Variants in AUTS2 observed in about 807,000 individuals in gnomAD.
AUTS2 encodes the protein activator of transcription and developmental regulator AUTS2, also known as autism susceptibility gene 2 protein.
In AUTS2, 17 loss-of-function variants were observed where a neutral mutation model predicts 112.4. That is an observed-to-expected ratio of 0.15 (90% CI 0.10 to 0.23). The LOEUF (loss-of-function observed/expected upper bound fraction) is 0.23. AUTS2 is among the 10% of genes least tolerant of loss of function. The probability of loss-of-function intolerance (pLI) is 1.00; values close to 1 mark genes in which losing one functional copy is unlikely to be tolerated. For synonymous variants in AUTS2, 751 were observed against 702.7 expected, an observed-to-expected ratio of 1.07 and a Z score of -1.09; for missense variants, 1,510 against 1,701.6, an observed-to-expected ratio of 0.89 and a Z score of 1.98.
intron 1 of AUTS2, among the ~76,000 whole-genome samples, chr7:69,817,908 G>A (rs1790832486): frequency 6.6e-6 from 1 of 152,110 alleles, no homozygotes. Context: ...TTGCTGATTT[G>A]GTGGGAGATA....
In AUTS2 at chr7:70,790,652, G is replaced by C. The variant is rs756968287; in HGVS notation, c.3436G>C (p.Gly1146Arg). The C allele has an allele frequency of 6.2e-7, 1 of 1,613,082 alleles. No homozygotes were observed. The highest frequency in any genetic ancestry group is 1.1e-5 in the South Asian group (1 of 91,050). The change falls in exon 19 of 19, where the codon GGA becomes CGA. Residue 1146 changes from glycine to arginine, a missense_variant. Coordinates refer to ENST00000342771, the MANE Select transcript of AUTS2 (RefSeq NM_015570.4). This position sits in a 1 kb window ranked among gnomAD's most constrained non-coding sequence, Gnocchi z 7.6. The part of the protein sequence containing the change: ...SVDPRREHER[G>R]GHLDERERLH... ...GGACCCTCGGCGGGAGCACGAGCGG[G>C]GAGGCCACCTGGACGAGCGGGAGCG...
intron 1 of AUTS2, among the ~76,000 whole-genome samples, chr7:69,624,695 G>T (rs1793856350): frequency 6.6e-6 from 1 of 152,132 alleles, no homozygotes; most frequent in African/African-American, 2.4e-5. Flanking sequence ...TCTGCCTCAT[G>T]CTCCCCCATC....
chr7:69,964,701 C>G (rs1395597550), intron 2 of AUTS2, among the ~76,000 whole-genome samples: 1 of 151,680 alleles, frequency 6.6e-6, no homozygotes, highest in Admixed American at 6.6e-5. Flanking sequence ...GGACTTAGGA[C>G]AAACGGGGAA....
intron 5 of AUTS2, among the ~76,000 whole-genome samples, chr7:70,685,976 A>G (rs544616971): frequency 5.3e-5 from 8 of 152,124 alleles, no homozygotes; most frequent in Non-Finnish European, 1.2e-4. Context: ...CATGGGTGCA[A>G]TGACAGCCAC....
intron 5 of AUTS2, among the ~76,000 whole-genome samples, chr7:70,460,763 T>G (rs1796931623): frequency 1.3e-5 from 2 of 152,178 alleles, no homozygotes; most frequent in African/African-American, 4.8e-5. Context: ...CTGTCTCCAT[T>G]TCCTGGTCTG....
Position 69,896,089 on chromosome 7 carries a change from A to C in AUTS2, c.310-3197A>C, listed in dbSNP as rs988399941. ...TCTGCTAGTGTTGCCATTATTCCTG[A>C]GTGTCTCTTTATGGCAGCTATTTTG... On this transcript the variant is annotated intron_variant, in intron 1 of 18. Transcript: ENST00000342771. Among the ~76,000 whole-genome samples the C allele has an allele frequency of 2.0e-5, 3 of 152,184 alleles. No individual in the cohort carries two copies. In the East Asian group the frequency reaches 5.8e-4, roughly 29 times the overall value.
At chr7:70,782,219 T>G (rs1252209179) in intron 15 of AUTS2, 1 of 154,564 alleles carries the variant, frequency 6.5e-6, no homozygotes, top group Non-Finnish European at 1.4e-5. Context: ...GAAAGGCGAT[T>G]AAGGCAGTTG....
At chr7:69,953,380 T>C (rs6958714) in intron 2 of AUTS2, among the ~76,000 whole-genome samples, 12,651 of 152,240 alleles carry the variant, frequency 0.083, 685 homozygotes, top group African/African-American at 0.14. Context: ...GATTTTTTTT[T>C]CTTTCCTTCT....
At chr7:70,306,512 G>GT (rs987709298) in intron 4 of AUTS2, among the ~76,000 whole-genome samples, 35 of 152,004 alleles carry the variant, frequency 2.3e-4, no homozygotes, top group Admixed American at 2.0e-4. Flanking sequence ...AAATATTAGT[G>GT]TTTTTTTACC....
intron 1 of AUTS2, among the ~76,000 whole-genome samples, chr7:69,856,283 G>GAAGGAAGAAGTGAGGGAGA (rs1792717150): frequency 2.0e-5 from 3 of 152,144 alleles, no homozygotes; most frequent in Non-Finnish European, 2.9e-5. Context: ...CTTCAGCCTG[G>GAAGGAAGAAGTGAGGGAGA]AAGGAAGAAG....
intron 1 of AUTS2, among the ~76,000 whole-genome samples, chr7:69,770,114 C>T (rs1215239027): frequency 6.6e-6 from 1 of 152,170 alleles, no homozygotes; most frequent in East Asian, 1.9e-4. Flanking sequence ...CTACACATCA[C>T]AGCATGCTAT....
intron 5 of AUTS2, among the ~76,000 whole-genome samples, chr7:70,589,587 G>A (rs1425635510): frequency 6.6e-6 from 1 of 152,130 alleles, no homozygotes; most frequent in East Asian, 1.9e-4. Context: ...GGTGGCAGAC[G>A]CCTGTAATCC....
At position 70,454,494 on chromosome 7, in the gene AUTS2, G is replaced by A. The variant is rs528838078; in HGVS notation, c.690+18713G>A. The stretch of plus-strand genomic sequence containing the variant: ...AGAGGTTGCAGTAAGCCGAGATCAC[G>A]CCATTGCACTCCACCCTGGGTAACA... On this transcript the variant is annotated intron_variant, in intron 5 of 18. Coordinates refer to ENST00000342771, the MANE Select transcript of AUTS2 (RefSeq NM_015570.4). Among the ~76,000 whole-genome samples the A allele has an allele frequency of 3.3e-5, 5 of 152,128 alleles. 1 individual carries two copies. The South Asian group carries it at 1.0e-3, about 32-fold the overall frequency.
chr7:70,311,944 G>C (rs1789775528), intron 4 of AUTS2, among the ~76,000 whole-genome samples: 3 of 152,194 alleles, frequency 2.0e-5, no homozygotes. Flanking sequence ...TTGATCTCTT[G>C]ACCTCGTGAT....
intron 5 of AUTS2, among the ~76,000 whole-genome samples, chr7:70,681,176 C>A (rs1193330351): frequency 6.6e-6 from 1 of 152,164 alleles, no homozygotes; most frequent in African/African-American, 2.4e-5. Context: ...ATCTCTCACC[C>A]GAGTGGCGGA....
chr7:70,661,031 T>G (rs1242130047), intron 5 of AUTS2, among the ~76,000 whole-genome samples: 1 of 152,060 alleles, frequency 6.6e-6, no homozygotes, highest in Admixed American at 6.6e-5. Flanking sequence ...TTTATTCATT[T>G]GTTGACTTTT....
At chr7:69,720,463 T>C (rs1798868529) in intron 1 of AUTS2, among the ~76,000 whole-genome samples, 1 of 152,188 alleles carries the variant, frequency 6.6e-6, no homozygotes, top group African/African-American at 2.4e-5. Flanking sequence ...GAGAATTGGC[T>C]CCTAAATTTA....
rs1338681199 is a variant in AUTS2, at chr7:70,708,139, T to G, written c.742+9519T>G. The stretch of plus-strand genomic sequence containing the variant: ...ATTTTCCCCCTCTTATCTATCACCT[T>G]TCACATCTCTCAGCAGAGTAACACT... On this transcript the variant is annotated intron_variant, in intron 6 of 18. Coordinates refer to ENST00000342771, the MANE Select transcript of AUTS2 (RefSeq NM_015570.4). Among the ~76,000 whole-genome samples the G allele has an allele frequency of 2.6e-5, 4 of 152,174 alleles. No individual in the cohort carries two copies. The East Asian group carries it at 7.7e-4, about 29-fold the overall frequency.
intron 2 of AUTS2, among the ~76,000 whole-genome samples, chr7:69,986,393 C>A (rs1319907476): frequency 2.0e-5 from 3 of 152,240 alleles, no homozygotes; most frequent in Admixed American, 1.3e-4. Context: ...TCAGTCTCTG[C>A]AAACAATGTT....
Sources: gnomAD v4.1 joint callset for allele counts (sites outside exome capture counted in the v4.1 genomes callset) on GRCh38, gnomAD v4.1.1 for gene constraint, Gnocchi (gnomAD v3.1) non-coding constraint, MANE v1.5 for transcripts, NCBI Gene and HGNC (gene_info 2026-07-23, HGNC 2026-07-21) for gene names.